LHFPL3: variants seen among roughly 807,000 people sequenced by gnomAD.
The protein encoded by LHFPL3 is LHFPL tetraspan subfamily member 3, also known as LHFPL tetraspan subfamily member 3 protein.
A neutral mutation model predicts 19.3 loss-of-function variants in LHFPL3; 5 were observed. That is an observed-to-expected ratio of 0.26 (90% CI 0.14 to 0.54). The LOEUF (loss-of-function observed/expected upper bound fraction) is 0.54, where lower values mean the gene tolerates loss of function less well. Among genes scored for constraint, LHFPL3 ranks in the 20% least tolerant of loss-of-function variants. LHFPL3 has a pLI of 0.94. For missense variants in LHFPL3, 249 were observed against 307.4 expected (o/e 0.81, Z 1.42); for synonymous variants, 133 against 126.2 (o/e 1.05, Z -0.36).
chr7:104,836,007 T>A (rs1791087624), intron 2 of LHFPL3, among the ~76,000 whole-genome samples: 1 of 151,966 alleles, frequency 6.6e-6, no homozygotes, highest in African/African-American at 2.4e-5. Context: ...GCAGAGAATT[T>A]ATCCTGGGTA....
chr7:104,896,211 T>C (rs1378421207), intron 2 of LHFPL3: 1 of 152,240 alleles, frequency 6.6e-6, no homozygotes, highest in East Asian at 1.9e-4. Context: ...CATAATTCAG[T>C]CCACAGCCTA....
chr7:104,462,589 T>C (rs989441560), intron 1 of LHFPL3, among the ~76,000 whole-genome samples: 2 of 152,232 alleles, frequency 1.3e-5, no homozygotes. Flanking sequence ...GAATGAAGCC[T>C]ATTTGATCAT....
At chr7:104,805,632 G>A (rs1790345727) in intron 2 of LHFPL3, among the ~76,000 whole-genome samples, 1 of 152,192 alleles carries the variant, frequency 6.6e-6, no homozygotes, top group Non-Finnish European at 1.5e-5. Flanking sequence ...CACTAAAGGA[G>A]GCTTCACAGA....
chr7:104,774,893 A>T (rs1227286672), intron 2 of LHFPL3, among the ~76,000 whole-genome samples: 2 of 152,202 alleles, frequency 1.3e-5, no homozygotes, highest in Non-Finnish European at 2.9e-5. Flanking sequence ...GCAGAACCAT[A>T]GACTGTAAAA....
At chr7:104,886,135 G>A (rs77731414) in intron 2 of LHFPL3, among the ~76,000 whole-genome samples, 6,266 of 152,250 alleles carry the variant, frequency 0.041, 421 homozygotes, top group African/African-American at 0.14. Context: ...ACATTTCACT[G>A]TAAGGTTTAT....
At chr7:104,426,857 G>C (rs1198186767) in intron 1 of LHFPL3, among the ~76,000 whole-genome samples, 1 of 152,058 alleles carries the variant, frequency 6.6e-6, no homozygotes, top group Non-Finnish European at 1.5e-5. Flanking sequence ...GTCAACTGTA[G>C]TCTTCTTCTT....
chr7:104,430,433 T>TATATATATATAC (rs1791966889), intron 1 of LHFPL3, among the ~76,000 whole-genome samples: 1 of 13,684 alleles, frequency 7.3e-5, no homozygotes, highest in Non-Finnish European at 1.5e-4. Flanking sequence ...TATATATATA[T>TATATATATATAC]ATATATATAT....
intron 1 of LHFPL3, among the ~76,000 whole-genome samples, chr7:104,664,335 A>G (rs1792284666): frequency 6.6e-6 from 1 of 152,178 alleles, no homozygotes; most frequent in Admixed American, 6.5e-5. Context: ...TGACCCTCCA[A>G]TTCTTTTTGA....
chr7:104,792,215 C>T (rs79388531), intron 2 of LHFPL3, among the ~76,000 whole-genome samples: 3,263 of 152,200 alleles, frequency 0.021, 117 homozygotes, highest in African/African-American at 0.074. Flanking sequence ...CTCAGGAAGC[C>T]GTCTTGGGAG....
At chr7:104,734,053 A>G (rs901988080) in intron 1 of LHFPL3, among the ~76,000 whole-genome samples, 1 of 151,818 alleles carries the variant, frequency 6.6e-6, no homozygotes, top group Non-Finnish European at 1.5e-5. Flanking sequence ...ATTGGCCCCC[A>G]CTCTCTTCTG....
chr7:104,607,409 A>G (rs1791122843), intron 1 of LHFPL3, among the ~76,000 whole-genome samples: 1 of 152,224 alleles, frequency 6.6e-6, no homozygotes, highest in African/African-American at 2.4e-5. Flanking sequence ...CTGAAAACAC[A>G]TCAAGCAATC....
At chr7:104,390,177 ATTTATTT>A (rs775308061) in intron 1 of LHFPL3, among the ~76,000 whole-genome samples, 2 of 151,592 alleles carry the variant, frequency 1.3e-5, no homozygotes, top group Non-Finnish European at 2.9e-5. Flanking sequence ...TAACAACCCA[ATTTATTT>A]TTTATTTTTT....
At chr7:104,616,405 T>A (rs946227040) in intron 1 of LHFPL3, among the ~76,000 whole-genome samples, 2 of 152,150 alleles carry the variant, frequency 1.3e-5, no homozygotes, top group African/African-American at 4.8e-5. Flanking sequence ...CCCTATTTAA[T>A]AAATGGTGCT....
chr7:104,604,934 C>T (rs1791062730), intron 1 of LHFPL3, among the ~76,000 whole-genome samples: 1 of 152,140 alleles, frequency 6.6e-6, no homozygotes, highest in African/African-American at 2.4e-5. Flanking sequence ...TCAAAATGGT[C>T]ACAAAGGACC....
chr7:104,664,746 G>A (rs763097363), intron 1 of LHFPL3, among the ~76,000 whole-genome samples: 2 of 152,190 alleles, frequency 1.3e-5, no homozygotes, highest in Non-Finnish European at 2.9e-5. Context: ...AGAATCTTCT[G>A]TCTGACATGA....
intron 2 of LHFPL3, among the ~76,000 whole-genome samples, chr7:104,769,609 GCC>G (rs934691859): frequency 6.7e-6 from 1 of 148,668 alleles, no homozygotes; most frequent in Non-Finnish European, 1.5e-5. Flanking sequence ...CCCTCTTTTA[GCC>G]CCCCCAACCC....
chr7:104,614,665 T>TC (rs1791287350), intron 1 of LHFPL3, among the ~76,000 whole-genome samples: 12 of 90,312 alleles, frequency 1.3e-4, no homozygotes, highest in African/African-American at 4.7e-4. Context: ...CCTTCCTTCC[T>TC]TCCTTCCTTC....
At chr7:104,824,937 TATA>T (rs2116539625) in intron 2 of LHFPL3, among the ~76,000 whole-genome samples, 1 of 141,696 alleles carries the variant, frequency 7.1e-6, no homozygotes, top group East Asian at 2.0e-4. Context: ...ATACTATATA[TATA>T]ATGTGTTTAG....
chr7:104,901,954 G>C (rs761983103), intron 2 of LHFPL3, among the ~76,000 whole-genome samples: 84 of 152,120 alleles, frequency 5.5e-4, no homozygotes, highest in Non-Finnish European at 8.5e-4. Flanking sequence ...ACACTCACTT[G>C]CCTCACCCTA....
Sources: gnomAD v4.1 joint callset for allele counts (sites outside exome capture counted in the v4.1 genomes callset) on GRCh38, gnomAD v4.1.1 for gene constraint, MANE v1.5 for transcripts, NCBI Gene and HGNC (gene_info 2026-07-23, HGNC 2026-07-21) for gene names.